OR2M4: variants seen among roughly 807,000 people sequenced by gnomAD.
OR2M4 encodes olfactory receptor 2M4.
Under a neutral mutation model 13.7 loss-of-function variants are expected in OR2M4, and 8 were observed. That is an observed-to-expected ratio of 0.58 (90% CI 0.34 to 1.05). The LOEUF (loss-of-function observed/expected upper bound fraction) is 1.05. Among genes scored for constraint, OR2M4 ranks in the 50% least tolerant of loss-of-function variants. The pLI, the probability that OR2M4 is intolerant of heterozygous loss-of-function variation, is 0.02. For synonymous variants in OR2M4, 152 were observed against 141.3 expected, an observed-to-expected ratio of 1.08 and a Z score of -0.53; for missense variants, 374 against 381.6, an observed-to-expected ratio of 0.98 and a Z score of 0.17.
rs564030421 is a variant in OR2M4 at position 248,243,229 on chromosome 1, C to A, written c.*3365C>A. The A allele has an allele frequency of 1.1e-4, 17 of 152,110 alleles. No homozygotes were observed. The highest frequency in any genetic ancestry group is 2.4e-4 in the Non-Finnish European group (16 of 68,034). The allele number at this position is 152,110 out of a possible 1,614,324, so 9.4% of individuals were successfully genotyped here. Reference sequence around the variant, plus strand: ...CGTTATTAATTTTTAAGGTTGCTTGCCTGTTGAAACAATATTTTGGACGTA... The same window carrying A: ...CGTTATTAATTTTTAAGGTTGCTTGACTGTTGAAACAATATTTTGGACGTA... On this transcript the variant is annotated 3_prime_UTR_variant, in exon 2 of 2. Coordinates refer to ENST00000641868, the MANE Select transcript of OR2M4 (RefSeq NM_017504.2).
At position 248,241,053 on chromosome 1, in the gene OR2M4, A is replaced by G. The variant is rs1483536323; in HGVS notation, c.*1189A>G. On this transcript the variant is annotated 3_prime_UTR_variant, in exon 2 of 2. Coordinates refer to ENST00000641868, the MANE Select transcript of OR2M4 (RefSeq NM_017504.2). ...TCTAAGTAAACTTAAAAGGCGGTCT[A>G]TGCCATAAGTACTGCAACTCTTAGG... The G allele has an allele frequency of 1.3e-5, 2 of 152,384 alleles. No homozygotes were observed. Among genetic ancestry groups the G allele is most frequent in the East Asian group, 1.9e-4 (1 of 5,188 alleles). 9.4% of individuals were successfully genotyped at this position (152,384 alleles called of 1,614,324 possible).
At chr1:248,234,203 G>A (rs546318134) in intron 1 of OR2M4, among the ~76,000 whole-genome samples, 2 of 152,118 alleles carry the variant, frequency 1.3e-5, no homozygotes, top group South Asian at 4.1e-4. Flanking sequence ...TTCTCCAGAT[G>A]CATTTCTTGT....
At position 248,240,609 on chromosome 1, in the gene OR2M4, G is replaced by C. The variant is rs1047000883; in HGVS notation, c.*745G>C. 1 of 152,172 alleles carries C rather than the reference G, an allele frequency of 6.6e-6. No individual in the cohort carries two copies. The highest frequency in any genetic ancestry group is 2.4e-5 in the African/African-American group (1 of 41,428). 9.4% of individuals were successfully genotyped at this position (152,172 alleles called of 1,614,324 possible). A position where few individuals can be genotyped will look rare whatever the true frequency, so the allele number is the denominator to read the frequency against. ...GATGGAATAGAAGGCTCCACTGATC[G>C]TTCACATGCAAGGACAGCAATTTAA... On this transcript the variant is annotated 3_prime_UTR_variant, in exon 2 of 2. Transcript: ENST00000641868.
intron 1 of OR2M4, among the ~76,000 whole-genome samples, chr1:248,238,339 T>C (rs1447233078): frequency 6.6e-6 from 1 of 152,096 alleles, no homozygotes; most frequent in African/African-American, 2.4e-5. Context: ...TGGTCTGAGA[T>C]AGAAAAGTTA....
chr1:248,238,891 C>T lies in OR2M4; in HGVS notation c.-19-19C>T, dbSNP rs2103022933. On this transcript the variant is annotated intron_variant, in intron 1 of 1. Transcript: ENST00000641868. ...AACTGAATTGATAAATAAGCTTGTA[C>T]CTTCTTTGGAATTCTCAGATAAGGC... 5 of 1,423,158 alleles carry T rather than the reference C, an allele frequency of 3.5e-6. No homozygotes were observed. The East Asian group carries it at 9.1e-5, about 26-fold the overall frequency. 88.2% of individuals were successfully genotyped at this position (1,423,158 alleles called of 1,614,324 possible).
intron 1 of OR2M4, among the ~76,000 whole-genome samples, chr1:248,237,130 T>C (rs1458915929): frequency 6.6e-6 from 1 of 152,158 alleles, no homozygotes; most frequent in East Asian, 1.9e-4. Context: ...TTCAGGCCAA[T>C]ATCCCTGGTA....
chr1:248,240,412 A>G lies in OR2M4; in HGVS notation c.*548A>G, dbSNP rs1157478144. 1 of 152,546 alleles carries G rather than the reference A, an allele frequency of 6.6e-6. No homozygotes were observed. The highest frequency in any genetic ancestry group is 1.9e-4 in the East Asian group (1 of 5,208). 9.4% of individuals were successfully genotyped at this position (152,546 alleles called of 1,614,324 possible). A position where few individuals can be genotyped will look rare whatever the true frequency, so the allele number is the denominator to read the frequency against. ...ATATTTCCTAGAAACTCGTATAAAC[A>G]TACACACACTTAAGTATATATGTGT... On this transcript the variant is annotated 3_prime_UTR_variant, in exon 2 of 2. Coordinates refer to ENST00000641868, the MANE Select transcript of OR2M4 (RefSeq NM_017504.2).
Position 248,240,007 on chromosome 1 carries a change from A to G in OR2M4, c.*143A>G, listed in dbSNP as rs1558262268. On this transcript the variant is annotated 3_prime_UTR_variant, in exon 2 of 2. Transcript: ENST00000641868. ...TTCAAAATTATCTATTCAGTATATT[A>G]TTACATATACATCGTTTGTATACTA... is the stretch of plus-strand genomic sequence containing the variant. The G allele has an allele frequency of 3.5e-6, 2 of 579,274 alleles. No individual in the cohort carries two copies. Among genetic ancestry groups the G allele is most frequent in the Non-Finnish European group, 5.9e-6 (2 of 338,798 alleles). 35.9% of individuals were successfully genotyped at this position (579,274 alleles called of 1,614,324 possible). A position where few individuals can be genotyped will look rare whatever the true frequency, so the allele number is the denominator to read the frequency against.
At position 248,244,054 on chromosome 1, in the gene OR2M4, A is replaced by G. The variant is rs888260385; in HGVS notation, c.*4190A>G. On this transcript the variant is annotated 3_prime_UTR_variant, in exon 2 of 2. Coordinates refer to ENST00000641868, the MANE Select transcript of OR2M4 (RefSeq NM_017504.2). ...TTAATAAAGTCAAATAATAACAAAT[A>G]CTAGTGAAGCTGTGGAGAAAAGGAA... The G allele has an allele frequency of 6.6e-6, 1 of 152,130 alleles. No individual in the cohort carries two copies. The highest frequency in any genetic ancestry group is 1.5e-5 in the Non-Finnish European group (1 of 68,006). 9.4% of individuals were successfully genotyped at this position (152,130 alleles called of 1,614,324 possible).
Position 248,238,974 on chromosome 1 carries a change from G to C in OR2M4, c.46G>C (p.Gly16Arg). 6.2e-7 allele frequency: 1 copy of C among 1,611,912 alleles called. No homozygotes were observed. The highest frequency in any genetic ancestry group is 2.2e-5 in the East Asian group (1 of 44,870). ...QTFNSIFILL[G>R]IFNHSPTHTF... ...CTTCAACTCCATCTTCATCCTGCTGGGAATCTTCAATCACAGTCCCACCCA... is the reference window on the plus strand; with the variant it reads ...CTTCAACTCCATCTTCATCCTGCTGCGAATCTTCAATCACAGTCCCACCCA... Residue 16 changes from glycine (G) to arginine (R), a missense_variant, in exon 2 of 2, where the codon GGA becomes CGA. Transcript: ENST00000641868.
intron 1 of OR2M4, among the ~76,000 whole-genome samples, chr1:248,232,754 C>T (rs986984375): frequency 6.6e-6 from 1 of 152,094 alleles, no homozygotes; most frequent in Admixed American, 6.6e-5. Context: ...ACTGCTCCTT[C>T]TTTATGTTGA....
rs1233944531 is a variant in OR2M4, at chr1:248,231,872, T to C, written c.-20+292T>C. Among the ~76,000 whole-genome samples, 4 of 152,268 alleles carry C rather than the reference T, an allele frequency of 2.6e-5. No homozygotes were observed. The South Asian group carries it at 8.3e-4, about 32-fold the overall frequency. Reference sequence around the variant, plus strand: ...TGAAGGAAAAGAAGAAAGAGAGACATAGTATTCTTAATGGTTATTTTAATT... The same window carrying C: ...TGAAGGAAAAGAAGAAAGAGAGACACAGTATTCTTAATGGTTATTTTAATT... On this transcript the variant is annotated intron_variant, in intron 1 of 1. Transcript: ENST00000641868.
intron 1 of OR2M4, among the ~76,000 whole-genome samples, chr1:248,235,956 T>G (rs1395261270): frequency 6.6e-6 from 1 of 152,160 alleles, no homozygotes; most frequent in Non-Finnish European, 1.5e-5. Flanking sequence ...AGAGACAATT[T>G]GACTTCCTCT....
Position 248,241,205 on chromosome 1 carries a change from G to A in OR2M4, c.*1341G>A, listed in dbSNP as rs1402146278. 1.3e-5 allele frequency: 2 copies of A among 152,302 alleles called. No individual in the cohort carries two copies. The highest frequency in any genetic ancestry group is 3.9e-4 in the East Asian group (2 of 5,176). The allele number at this position is 152,302 out of a possible 1,614,324, so 9.4% of individuals were successfully genotyped here. A position where few individuals can be genotyped will look rare whatever the true frequency, so the allele number is the denominator to read the frequency against. On this transcript the variant is annotated 3_prime_UTR_variant, in exon 2 of 2. Coordinates refer to ENST00000641868, the MANE Select transcript of OR2M4 (RefSeq NM_017504.2). ...CCCTTGCCTAACCTCAGGCTGCACAGCTCATGGCTCCAAAAGAGTTCTTCC... is the reference window on the plus strand; with the variant it reads ...CCCTTGCCTAACCTCAGGCTGCACAACTCATGGCTCCAAAAGAGTTCTTCC...
At chr1:248,237,043 C>T (rs1666564436) in intron 1 of OR2M4, among the ~76,000 whole-genome samples, 1 of 152,090 alleles carries the variant, frequency 6.6e-6, no homozygotes, top group Admixed American at 6.5e-5. Context: ...AAAAAGGGGA[C>T]TTCTTCCTAA....
Position 248,239,204 on chromosome 1 carries a change from C to T in OR2M4, c.276C>T (p.Ile92=). 2 of 1,614,170 alleles carry T rather than the reference C, an allele frequency of 1.2e-6. No homozygotes were observed. Among genetic ancestry groups the T allele is most frequent in the African/African-American group, 1.3e-5 (1 of 75,032 alleles). ...IFSYLSGKKS[I]SLAGCGTQIF... is the part of the protein sequence containing the mutation. ...GCTACTTGTCTGGGAAGAAATCTAT[C>T]TCTCTGGCAGGTTGTGGAACTCAGA... The change falls in exon 2 of 2, where the codon ATC becomes ATT. Residue 92 remains isoleucine, a synonymous_variant. Coordinates refer to ENST00000641868, the MANE Select transcript of OR2M4 (RefSeq NM_017504.2).
At chr1:248,233,996 G>C (rs1052779565) in intron 1 of OR2M4, among the ~76,000 whole-genome samples, 1 of 152,100 alleles carries the variant, frequency 6.6e-6, no homozygotes, top group Non-Finnish European at 1.5e-5. Context: ...GATAAAGAAG[G>C]TGTTTGCTCC....
chr1:248,236,433 G>A (rs1258140153), intron 1 of OR2M4, among the ~76,000 whole-genome samples: 1 of 152,094 alleles, frequency 6.6e-6, no homozygotes, highest in Non-Finnish European at 1.5e-5. Context: ...GAAACTTAGA[G>A]CACTAAATGC....
rs772997861 is a variant in OR2M4, at chr1:248,239,762, C to T, written c.834C>T (p.Tyr278=). Residue 278 remains tyrosine, a synonymous_variant, in exon 2 of 2, where the codon TAC becomes TAT. Coordinates refer to ENST00000641868, the MANE Select transcript of OR2M4 (RefSeq NM_017504.2). ...PDQDKMVSAF[Y]TILTPMLNPL... ...AGGACAAGATGGTGTCGGCCTTCTA[C>T]ACTATTCTCACCCCTATGCTGAACC... The T allele has an allele frequency of 1.9e-6, 3 of 1,614,094 alleles. No individual in the cohort carries two copies. Among genetic ancestry groups the T allele is most frequent in the South Asian group, 1.1e-5 (1 of 91,084 alleles).
Sources: gnomAD v4.1 joint callset for allele counts (sites outside exome capture counted in the v4.1 genomes callset) on GRCh38, gnomAD v4.1.1 for gene constraint, MANE v1.5 for transcripts, NCBI Gene and HGNC (gene_info 2026-07-23, HGNC 2026-07-21) for gene names.